Variants in KIF16B observed in about 807,000 individuals in gnomAD.
KIF16B encodes kinesin family member 16B, also known as kinesin-like protein KIF16B.
A neutral mutation model predicts 156.3 loss-of-function variants in KIF16B; 98 were observed. The ratio of observed to expected loss-of-function variants is 0.63; its 90% CI spans 0.53 to 0.74. The LOEUF is 0.74. Ranked by LOEUF, KIF16B falls within the 30% of genes least tolerant of loss-of-function variation. The pLI is 0.00. For missense variants in KIF16B, 1,421 were observed against 1,606.5 expected (o/e 0.88, Z 1.97); for synonymous variants, 564 against 583.7 (o/e 0.97, Z 0.49).
chr20:16,538,601 G>C (rs1181314157), intron 1 of KIF16B, among the ~76,000 whole-genome samples: 1 of 152,120 alleles, frequency 6.6e-6, no homozygotes, highest in Non-Finnish European at 1.5e-5. Context: ...ATGGGGGGAG[G>C]AGGACGAAAG....
chr20:16,569,761 T>C (rs1014651463), intron 1 of KIF16B, among the ~76,000 whole-genome samples: 2 of 152,230 alleles, frequency 1.3e-5, no homozygotes, highest in African/African-American at 4.8e-5. Context: ...TGCCAATGAA[T>C]TTTGTAGGTG....
At position 16,428,997 on chromosome 20, in the gene KIF16B, TGA is replaced by T; in HGVS notation, c.1428_1429del (p.Gln477AspfsTer5). On this transcript the variant is annotated frameshift_variant, in exon 14 of 26. Transcript: ENST00000354981. LOFTEE classifies it high-confidence loss of function. ...AGCATCGTCTCTACCAACGTATGTCTGACCTTCCTGGGAAGAAAACCCAAGCA... is the reference window on the plus strand; with the variant it reads ...AGCATCGTCTCTACCAACGTATGTCTCCTTCCTGGGAAGAAAACCCAAGCA... 1 of 1,612,974 alleles carries T rather than the reference TGA, an allele frequency of 6.2e-7. No individual in the cohort carries two copies. Among genetic ancestry groups the T allele is most frequent in the South Asian group, 1.1e-5 (1 of 91,040 alleles).
chr20:16,465,419 A>G lies in KIF16B; in HGVS notation c.1302+28872T>C, dbSNP rs149280862. Among the ~76,000 whole-genome samples, 204 of 152,342 alleles carry G rather than the reference A, an allele frequency of 1.3e-3. 2 individuals carry two copies. In the East Asian group the frequency reaches 0.031, roughly 23 times the overall value. On this transcript the variant is annotated intron_variant, in intron 12 of 25. Coordinates refer to ENST00000354981, the MANE Select transcript of KIF16B (RefSeq NM_024704.5). ...ATCATGCAGCCTCTGTCCTCCGACAATGAAGCATCTCACACACCTCTGAAG... is the reference window on the plus strand; with the variant it reads ...ATCATGCAGCCTCTGTCCTCCGACAGTGAAGCATCTCACACACCTCTGAAG...
intron 6 of KIF16B, among the ~76,000 whole-genome samples, chr20:16,510,954 C>T (rs2068937973): frequency 6.6e-6 from 1 of 152,190 alleles, no homozygotes. Flanking sequence ...TGGCATTCCT[C>T]ACAACTGACT....
At chr20:16,519,675 T>G (rs1445892543) in intron 3 of KIF16B, among the ~76,000 whole-genome samples, 1 of 152,222 alleles carries the variant, frequency 6.6e-6, no homozygotes, top group African/African-American at 2.4e-5. Context: ...ATGATTCTGG[T>G]GCATGGACAC....
chr20:16,391,839 G>C (rs903508667), intron 17 of KIF16B, among the ~76,000 whole-genome samples: 4 of 152,198 alleles, frequency 2.6e-5, no homozygotes, highest in African/African-American at 9.6e-5. Context: ...TCAGAGGACA[G>C]AGATCCCCAC....
intron 19 of KIF16B, among the ~76,000 whole-genome samples, chr20:16,375,960 T>C (rs558183575): frequency 1.3e-5 from 2 of 152,270 alleles, no homozygotes; most frequent in Non-Finnish European, 2.9e-5. Flanking sequence ...GAGATTGAGA[T>C]CTGACTTGCA....
At chr20:16,335,131 TA>T (rs140001942) in intron 24 of KIF16B, among the ~76,000 whole-genome samples, 6,465 of 152,260 alleles carry the variant, frequency 0.042, 183 homozygotes, top group Non-Finnish European at 0.069. Flanking sequence ...ACCATAAAAA[TA>T]GTGCTCAAAA....
chr20:16,368,208 T>C (rs1046303073), intron 22 of KIF16B: 2 of 1,035,294 alleles, frequency 1.9e-6, no homozygotes, highest in African/African-American at 1.7e-5. Flanking sequence ...TCTGCTTAAA[T>C]GCAGAGCTCT....
intron 12 of KIF16B, among the ~76,000 whole-genome samples, chr20:16,455,066 G>A (rs1244864243): frequency 6.6e-6 from 1 of 152,184 alleles, no homozygotes; most frequent in Non-Finnish European, 1.5e-5. Flanking sequence ...AAAGCAGAAT[G>A]TCTGTCGTTA....
intron 24 of KIF16B, among the ~76,000 whole-genome samples, chr20:16,318,207 A>G (rs2063725512): frequency 6.6e-6 from 1 of 152,148 alleles, no homozygotes; most frequent in Non-Finnish European, 1.5e-5. Context: ...AACTGAAACT[A>G]TGTGTAAAAA....
At chr20:16,521,778 C>T (rs986930951) in intron 3 of KIF16B, among the ~76,000 whole-genome samples, 6 of 152,164 alleles carry the variant, frequency 3.9e-5, no homozygotes, top group African/African-American at 1.4e-4. Flanking sequence ...AGAGAAATGT[C>T]AGGTCACCCA....
chr20:16,276,477 C>T (rs1257422724), intron 25 of KIF16B, among the ~76,000 whole-genome samples: 1 of 152,196 alleles, frequency 6.6e-6, no homozygotes, highest in South Asian at 2.1e-4. Context: ...AGAGTTTTCT[C>T]TTCGCAAAAC....
chr20:16,420,116 GAACT>G (rs1329897862), intron 15 of KIF16B, among the ~76,000 whole-genome samples: 3 of 152,040 alleles, frequency 2.0e-5, no homozygotes, highest in African/African-American at 7.2e-5. Context: ...ATTTCTGGAA[GAACT>G]AAAAAAAGAG....
intron 1 of KIF16B, among the ~76,000 whole-genome samples, chr20:16,557,386 G>C (rs1024159924): frequency 6.6e-6 from 1 of 151,946 alleles, no homozygotes; most frequent in African/African-American, 2.4e-5. Context: ...CACCATGTTG[G>C]CCAGGCTGGT....
chr20:16,541,760 G>A (rs577385866), intron 1 of KIF16B, among the ~76,000 whole-genome samples: 14 of 152,368 alleles, frequency 9.2e-5, no homozygotes, highest in African/African-American at 2.9e-4. Flanking sequence ...GGCCCAGGCA[G>A]AGGGAGAAGT....
In KIF16B at chr20:16,410,000, C is replaced by CAT. The variant is rs66507035; in HGVS notation, c.1613-3546_1613-3545dup. The stretch of plus-strand genomic sequence containing the variant: ...ATATATATATATATATATGTAGGTA[C>CAT]ATATATATATGTAGGTACATATATA... On this transcript the variant is annotated intron_variant, in intron 15 of 25. Coordinates refer to ENST00000354981, the MANE Select transcript of KIF16B (RefSeq NM_024704.5). Among the ~76,000 whole-genome samples the CAT allele has an allele frequency of 4.8e-3, 365 of 75,362 alleles. 30 individuals are homozygous for CAT. The highest frequency in any genetic ancestry group is 6.2e-3 in the Non-Finnish European group (260 of 41,774). The allele number at this position is 75,362 out of a possible 152,430, so 49.4% of individuals were successfully genotyped here. A position where few individuals can be genotyped will look rare whatever the true frequency, so the allele number is the denominator to read the frequency against.
chr20:16,279,174 T>A (rs2063108862), intron 25 of KIF16B, among the ~76,000 whole-genome samples: 1 of 152,114 alleles, frequency 6.6e-6, no homozygotes, highest in Non-Finnish European at 1.5e-5. Flanking sequence ...CTTTCCCCTC[T>A]CTGGGAATTG....
At chr20:16,523,880 C>T (rs116147523) in intron 3 of KIF16B, among the ~76,000 whole-genome samples, 16,996 of 152,102 alleles carry the variant, frequency 0.11, 1,144 homozygotes, top group African/African-American at 0.18. Context: ...GAAATGACAT[C>T]ACCCATCTGA....
Sources: allele counts gnomAD v4.1 joint callset (sites outside exome capture counted in the v4.1 genomes callset), GRCh38; gene constraint gnomAD v4.1.1; transcripts MANE v1.5; gene names NCBI Gene and HGNC (gene_info 2026-07-23, HGNC 2026-07-21).